DOT1L: variants seen among roughly 807,000 people sequenced by gnomAD.
DOT1L encodes the protein DOT1 like histone lysine methyltransferase.
DOT1L carries 33 observed loss-of-function variants against 153.3 expected under a neutral mutation model. That is an observed-to-expected ratio of 0.22 (90% CI 0.16 to 0.29). The LOEUF (loss-of-function observed/expected upper bound fraction) is 0.29. DOT1L is among the 10% of genes least tolerant of loss of function. The pLI, the probability that DOT1L is intolerant of heterozygous loss-of-function variation, is 1.00. For synonymous variants in DOT1L, 1,135 were observed against 965.1 expected (o/e 1.18, Z -3.26); for missense variants, 1,847 against 2,119.9 (o/e 0.87, Z 2.53).
Position 2,222,357 on chromosome 19 carries a change from A to G in DOT1L, c.3188A>G (p.Lys1063Arg). The G allele has an allele frequency of 6.2e-7, 1 of 1,612,446 alleles. No homozygotes were observed. The highest frequency in any genetic ancestry group is 8.5e-7 in the Non-Finnish European group (1 of 1,179,736). The change falls in exon 24 of 28, where the codon AAG becomes AGG. Residue 1063 changes from lysine to arginine, a missense_variant. Physicochemically the swap from Lys to Arg is conservative, Grantham distance 26 (BLOSUM62 2). Transcript: ENST00000398665. The surrounding 1 kb of genome is among the most constrained non-coding windows in gnomAD (Gnocchi z 6.5). ...AGSAKQSPSS[K>R]HSPLTASARG... ...AGTGCCAAGCAGTCGCCCTCCAGCA[A>G]GCACAGCCCCCTGACCGCCAGCGCC...
intron 1 of DOT1L, among the ~76,000 whole-genome samples, chr19:2,165,937 GT>G (rs2019901732): frequency 6.6e-6 from 1 of 150,818 alleles, no homozygotes. Context: ...CCCGGCTAAT[GT>G]TTTTTGTGTT....
chr19:2,188,919 C>T (rs2022669007), intron 3 of DOT1L, among the ~76,000 whole-genome samples: 1 of 152,182 alleles, frequency 6.6e-6, no homozygotes, highest in Admixed American at 6.5e-5. Flanking sequence ...GGCTCACGTG[C>T]CCCACAGACA....
At position 2,227,108 on chromosome 19, in the gene DOT1L, G is replaced by T. The variant is rs765986875; in HGVS notation, c.4587G>T (p.Val1529=). 1 of 1,553,400 alleles carries T rather than the reference G, an allele frequency of 6.4e-7. No individual in the cohort carries two copies. The highest frequency in any genetic ancestry group is 8.6e-7 in the Non-Finnish European group (1 of 1,156,268). Residue 1529 remains valine, a synonymous_variant, in exon 27 of 28, where the codon GTG becomes GTT. Transcript: ENST00000398665. Reference sequence around the variant, plus strand: ...ACGCCATGGGCAGCTTTTCCGGGGTGGCAGGCGGCACAGTTGGAGGTAGGC... The same window carrying T: ...ACGCCATGGGCAGCTTTTCCGGGGTTGCAGGCGGCACAGTTGGAGGTAGGC... ...NSHAMGSFSG[V]AGGTVGGN is the part of the protein sequence containing the mutation.
rs367797353 is a variant in DOT1L, at chr19:2,222,214, C to T, written c.3045C>T (p.Ala1015=). ...QLSSSPRLGG[A]AQGPLPEASK... is the part of the protein sequence containing the mutation. Reference sequence around the variant, plus strand: ...CCTCCAGTCCCCGGCTTGGTGGGGCCGCCCAGGGCCCGTTGCCCGAGGCCA... The same window carrying T: ...CCTCCAGTCCCCGGCTTGGTGGGGCTGCCCAGGGCCCGTTGCCCGAGGCCA... Residue 1015 remains alanine, a synonymous_variant, in exon 24 of 28, where the codon GCC becomes GCT. Coordinates refer to ENST00000398665, the MANE Select transcript of DOT1L (RefSeq NM_032482.3). This position sits in a 1 kb window ranked among gnomAD's most constrained non-coding sequence, Gnocchi z 6.5. The T allele has an allele frequency of 4.7e-5, 76 of 1,612,948 alleles. No homozygotes were observed. The highest frequency in any genetic ancestry group is 1.6e-4 in the Middle Eastern group (1 of 6,082).
At chr19:2,183,233 C>T (rs1056934339) in intron 2 of DOT1L, among the ~76,000 whole-genome samples, 1 of 152,122 alleles carries the variant, frequency 6.6e-6, no homozygotes, top group African/African-American at 2.4e-5. Flanking sequence ...TGCAGTGGTG[C>T]CATCTCAGCT....
intron 2 of DOT1L, among the ~76,000 whole-genome samples, chr19:2,184,219 C>T (rs541730595): frequency 2.6e-4 from 40 of 152,208 alleles, no homozygotes; most frequent in East Asian, 1.2e-3. Flanking sequence ...CTCGGGGCCT[C>T]GCTCGGTGCC....
intron 1 of DOT1L, among the ~76,000 whole-genome samples, chr19:2,165,856 C>T (rs2019897208): frequency 6.6e-6 from 1 of 151,818 alleles, no homozygotes; most frequent in African/African-American, 2.4e-5. Flanking sequence ...GCAAGCTCCG[C>T]CTCCCGGGTT....
chr19:2,199,985 C>G (rs775418228), intron 8 of DOT1L, 46 bp downstream of exon 8: 2 of 1,605,096 alleles, frequency 1.2e-6, no homozygotes, highest in South Asian at 2.2e-5. Flanking sequence ...TGTGCGCTCA[C>G]AGGCGGGCGG....
chr19:2,177,296 A>T (rs2021992264), intron 1 of DOT1L, among the ~76,000 whole-genome samples: 1 of 151,956 alleles, frequency 6.6e-6, no homozygotes, highest in Non-Finnish European at 1.5e-5. Flanking sequence ...TCACGCAGGA[A>T]CAATTTTTTT....
Position 2,230,239 on chromosome 19 carries a change from T to C in DOT1L, c.*447T>C, listed in dbSNP as rs1368171401. ...ACGCTGACAACGCCGAACCCCGTTC[T>C]CGGAAACGCCGCCCGGCCGGCTCCC... On this transcript the variant is annotated 3_prime_UTR_variant, in exon 28 of 28. Coordinates refer to ENST00000398665, the MANE Select transcript of DOT1L (RefSeq NM_032482.3). 8 of 413,252 alleles carry C rather than the reference T, an allele frequency of 1.9e-5. No homozygotes were observed. The South Asian group carries it at 4.7e-4, about 24-fold the overall frequency. The allele number at this position is 413,252 out of a possible 1,614,324, so 25.6% of individuals were successfully genotyped here. A position where few individuals can be genotyped will look rare whatever the true frequency, so the allele number is the denominator to read the frequency against.
intron 22 of DOT1L, among the ~76,000 whole-genome samples, chr19:2,218,982 C>T (rs1944179760): frequency 6.6e-6 from 1 of 152,206 alleles, no homozygotes; most frequent in Non-Finnish European, 1.5e-5. Context: ...AGCAGTTCTC[C>T]TGCCTCAGCC....
Position 2,190,996 on chromosome 19 carries a change from C to T in DOT1L, c.265-16C>T, listed in dbSNP as rs773703430. On this transcript the variant is annotated splice_polypyrimidine_tract_variant and intron_variant, in intron 4 of 27. Transcript: ENST00000398665. This position sits in a 1 kb window ranked among gnomAD's most constrained non-coding sequence, Gnocchi z 4.8. Reference sequence around the variant, plus strand: ...TGAGGTTTATGTGACATGGCCGGGCCACCCTCCGTCCGCAGTGGAAGGGCA... The same window carrying T: ...TGAGGTTTATGTGACATGGCCGGGCTACCCTCCGTCCGCAGTGGAAGGGCA... 2.5e-6 allele frequency: 4 copies of T among 1,581,196 alleles called. No homozygotes were observed. Among genetic ancestry groups the T allele is most frequent in the South Asian group, 2.3e-5 (2 of 88,010 alleles).
Position 2,207,761 on chromosome 19 carries a change from A to C in DOT1L, c.963+81A>C. 101 of 1,300,104 alleles carry C rather than the reference A, an allele frequency of 7.8e-5. No homozygotes were observed. The highest frequency in any genetic ancestry group is 9.9e-5 in the Non-Finnish European group (94 of 949,658). The allele number at this position is 1,300,104 out of a possible 1,614,324, so 80.5% of individuals were successfully genotyped here. On this transcript the variant is annotated intron_variant, in intron 11 of 27. Transcript: ENST00000398665. This position sits in a 1 kb window ranked among gnomAD's most constrained non-coding sequence, Gnocchi z 4.5. The stretch of plus-strand genomic sequence containing the variant: ...ACGTCACACTGCTCTCTCCTTTCTC[A>C]TGTGGCCTCTGAGACCCTCCCCTCA...
At position 2,222,019 on chromosome 19, in the gene DOT1L, G is replaced by T; in HGVS notation, c.2850G>T (p.Ala950=). ...AGSVAISGAL[A]GSPASLTPGA... ...CGGTGGCCATCAGCGGGGCCTTGGC[G>T]GGCAGCCCGGCCTCTCTCACACCTG... is the stretch of plus-strand genomic sequence containing the variant. The change falls in exon 24 of 28, where the codon GCG becomes GCT. Residue 950 remains alanine, a synonymous_variant. Transcript: ENST00000398665. The surrounding 1 kb of genome is among the most constrained non-coding windows in gnomAD (Gnocchi z 6.5). 1 of 1,611,710 alleles carries T rather than the reference G, an allele frequency of 6.2e-7. No homozygotes were observed.
rs2024523389 is a variant in DOT1L, at chr19:2,229,859, G to T, written c.*67G>T. 6.2e-7 allele frequency: 1 copy of T among 1,611,116 alleles called. No individual in the cohort carries two copies. The highest frequency in any genetic ancestry group is 1.1e-5 in the South Asian group (1 of 91,066). Reference sequence around the variant, plus strand: ...GACCAACTCGCGCCCGCGGCATGGTGCCCGCCGGCCTGCCGGGCTCCCACC... The same window carrying T: ...GACCAACTCGCGCCCGCGGCATGGTTCCCGCCGGCCTGCCGGGCTCCCACC... On this transcript the variant is annotated 3_prime_UTR_variant, in exon 28 of 28. Transcript: ENST00000398665.
chr19:2,189,233 T>C (rs557746522), intron 3 of DOT1L, among the ~76,000 whole-genome samples: 1 of 152,278 alleles, frequency 6.6e-6, no homozygotes, highest in African/African-American at 2.4e-5. Flanking sequence ...TGAGGCATCT[T>C]CCTTTCTGCA....
At position 2,222,294 on chromosome 19, in the gene DOT1L, AGAG is replaced by A. The variant is rs764859962; in HGVS notation, c.3131_3133del (p.Arg1044del). 18 of 1,613,086 alleles carry A rather than the reference AGAG, an allele frequency of 1.1e-5. 1 individual carries two copies. In the Admixed American group the frequency reaches 2.8e-4, roughly 25 times the overall value. ...TTCTCAGATCCTGAGAGTGAAGCCA[AGAG>A]GAGGATTGTGTTCACCATCACCACT... is the stretch of plus-strand genomic sequence containing the variant. On this transcript the variant is annotated inframe_deletion, in exon 24 of 28. Transcript: ENST00000398665. This position sits in a 1 kb window ranked among gnomAD's most constrained non-coding sequence, Gnocchi z 6.5.
At chr19:2,181,722 C>G (rs950584217) in intron 2 of DOT1L, among the ~76,000 whole-genome samples, 3 of 152,150 alleles carry the variant, frequency 2.0e-5, no homozygotes, top group African/African-American at 7.2e-5. Context: ...AGGGAGGGCT[C>G]TGGATCAGGC....
intron 2 of DOT1L, among the ~76,000 whole-genome samples, chr19:2,183,362 G>T (rs2022333694): frequency 6.6e-6 from 1 of 152,160 alleles, no homozygotes; most frequent in African/African-American, 2.4e-5. Context: ...GTAGAGGCGA[G>T]GTTTTGCCAC....
Sources: allele counts gnomAD v4.1 joint callset (sites outside exome capture counted in the v4.1 genomes callset), GRCh38; gene constraint gnomAD v4.1.1; non-coding constraint Gnocchi (gnomAD v3.1); transcripts MANE v1.5; gene names NCBI Gene and HGNC (gene_info 2026-07-23, HGNC 2026-07-21).